The following SMOC2 variants were observed in gnomAD, a reference collection of about 807,000 sequenced individuals.
SMOC2 encodes SPARC related modular calcium binding 2.
SMOC2 carries 39 observed loss-of-function variants against 61.4 expected under a neutral mutation model. The observed-to-expected ratio is 0.64, with a 90% CI of 0.49 to 0.83. The LOEUF (loss-of-function observed/expected upper bound fraction) is 0.83, where lower values mean the gene tolerates loss of function less well. Ranked by LOEUF, SMOC2 falls within the 40% of genes least tolerant of loss-of-function variation. The probability of loss-of-function intolerance (pLI) is 0.00; values close to 1 mark genes in which losing one functional copy is unlikely to be tolerated. For missense variants in SMOC2, 556 were observed against 592.9 expected (o/e 0.94, Z 0.65); for synonymous variants, 247 against 239.9 (o/e 1.03, Z -0.27).
chr6:168,454,872 A>G (rs548529893), intron 1 of SMOC2, among the ~76,000 whole-genome samples: 13 of 152,300 alleles, frequency 8.5e-5, no homozygotes, highest in African/African-American at 3.1e-4. Context: ...CAGATGCTAC[A>G]GGTGCACATC....
At chr6:168,583,548 G>A (rs1047634851) in intron 7 of SMOC2, among the ~76,000 whole-genome samples, 18 of 151,854 alleles carry the variant, frequency 1.2e-4, no homozygotes, top group Admixed American at 1.1e-3. Flanking sequence ...CAGGGGTGTG[G>A]GTCTGACCCC....
intron 7 of SMOC2, among the ~76,000 whole-genome samples, chr6:168,591,093 G>A (rs568413823): frequency 3.3e-5 from 5 of 152,260 alleles, no homozygotes; most frequent in Admixed American, 1.3e-4. Context: ...GAAGTAAATT[G>A]GAATTGAAAT....
intron 8 of SMOC2, among the ~76,000 whole-genome samples, chr6:168,601,845 CG>C (rs149126955): frequency 0.015 from 2,291 of 152,276 alleles, 84 homozygotes; most frequent in Admixed American, 0.072. Context: ...TCCCGTCCAT[CG>C]ATGCTGGTTT....
Position 168,543,673 on chromosome 6 carries a change from G to T in SMOC2, c.511+1G>T. The stretch of plus-strand genomic sequence containing the variant: ...CAACGCGAAGGCACAGGAAAAACAG[G>T]TAACTATCTTAGAATAAATGTCTAT... On this transcript the variant is annotated splice_donor_variant, in intron 5 of 12. Coordinates refer to ENST00000356284, the MANE Select transcript of SMOC2 (RefSeq NM_001166412.2). LOFTEE classifies it high-confidence loss of function. 6.2e-7 allele frequency: 1 copy of T among 1,612,746 alleles called. No homozygotes were observed. The highest frequency in any genetic ancestry group is 8.5e-7 in the Non-Finnish European group (1 of 1,178,890).
intron 9 of SMOC2, among the ~76,000 whole-genome samples, chr6:168,631,087 C>T (rs1268205920): frequency 6.6e-6 from 1 of 152,218 alleles, no homozygotes; most frequent in Non-Finnish European, 1.5e-5. Context: ...CCTATTCGCA[C>T]ACTCCCTCCC....
At chr6:168,653,610 TG>T (rs1252811218) in intron 11 of SMOC2, among the ~76,000 whole-genome samples, 5 of 150,490 alleles carry the variant, frequency 3.3e-5, no homozygotes, top group African/African-American at 9.9e-5. Context: ...TCACCAACCC[TG>T]CTCCTGAGCT....
At chr6:168,479,227 A>G (rs776643035) in intron 1 of SMOC2, among the ~76,000 whole-genome samples, 44 of 152,236 alleles carry the variant, frequency 2.9e-4, no homozygotes, top group Non-Finnish European at 5.6e-4. Flanking sequence ...CCTGGGTTAC[A>G]GAGAATGATT....
chr6:168,469,764 G>T (rs978460176), intron 1 of SMOC2, among the ~76,000 whole-genome samples: 1 of 152,138 alleles, frequency 6.6e-6, no homozygotes, highest in African/African-American at 2.4e-5. Context: ...GAGGTCCCAC[G>T]TGCAGCCTCG....
At chr6:168,624,605 CAG>C (rs1307695366) in intron 9 of SMOC2, among the ~76,000 whole-genome samples, 2 of 111,260 alleles carry the variant, frequency 1.8e-5, no homozygotes, top group African/African-American at 6.9e-5. Flanking sequence ...CAGATGTGCA[CAG>C]ACACACAGAG....
chr6:168,446,729 C>A (rs1368811300), intron 1 of SMOC2, among the ~76,000 whole-genome samples: 1 of 151,936 alleles, frequency 6.6e-6, no homozygotes, highest in Admixed American at 6.6e-5. Flanking sequence ...CAGTTCCAGG[C>A]CAGACATCAA....
At chr6:168,441,528 G>GCCCCGCT in intron 1 of SMOC2, 74 bp downstream of exon 1, 5 of 1,415,382 alleles carry the variant, frequency 3.5e-6, no homozygotes, top group Non-Finnish European at 4.6e-6. Flanking sequence ...GGGTCCCCGC[G>GCCCCGCT]CCCCGCTCCA....
intron 7 of SMOC2, among the ~76,000 whole-genome samples, chr6:168,592,696 G>A (rs1785221761): frequency 1.1e-5 from 1 of 89,532 alleles, no homozygotes; most frequent in Non-Finnish European, 2.4e-5. Flanking sequence ...TCTTTCTAGA[G>A]GATGGCCGAG....
intron 9 of SMOC2, among the ~76,000 whole-genome samples, chr6:168,636,025 A>G (rs1786708093): frequency 6.6e-6 from 1 of 152,200 alleles, no homozygotes; most frequent in African/African-American, 2.4e-5. Flanking sequence ...AATTTTACAT[A>G]AAATTGAAAT....
At chr6:168,505,074 C>G (rs1292139140) in intron 1 of SMOC2, among the ~76,000 whole-genome samples, 1 of 151,208 alleles carries the variant, frequency 6.6e-6, no homozygotes, top group Non-Finnish European at 1.5e-5. Flanking sequence ...GTCCATCTCT[C>G]AGATGCCAGG....
intron 9 of SMOC2, among the ~76,000 whole-genome samples, chr6:168,649,466 C>T (rs545141600): frequency 1.3e-5 from 2 of 152,320 alleles, no homozygotes; most frequent in Admixed American, 1.3e-4. Flanking sequence ...AGTGGGGACG[C>T]TGTCCCTCCA....
chr6:168,517,939 G>C (rs556039337), intron 2 of SMOC2, among the ~76,000 whole-genome samples: 1 of 152,226 alleles, frequency 6.6e-6, no homozygotes, highest in African/African-American at 2.4e-5. Context: ...AGCCTGGGCC[G>C]GGGGGCTCTG....
chr6:168,555,742 G>C (rs1287004701), intron 7 of SMOC2, among the ~76,000 whole-genome samples: 1 of 152,214 alleles, frequency 6.6e-6, no homozygotes, highest in African/African-American at 2.4e-5. Flanking sequence ...CTGCAGCGGG[G>C]AGTGGCCGCC....
intron 11 of SMOC2, among the ~76,000 whole-genome samples, chr6:168,661,112 C>G: frequency 1.4e-5 from 1 of 73,356 alleles, no homozygotes; most frequent in Non-Finnish European, 3.4e-5. Flanking sequence ...ATTTTCCTTA[C>G]AGAATTTTTT....
At chr6:168,520,336 G>A (rs930581365) in intron 2 of SMOC2, among the ~76,000 whole-genome samples, 4 of 152,278 alleles carry the variant, frequency 2.6e-5, no homozygotes, top group African/African-American at 9.6e-5. Flanking sequence ...ATCAATAAAA[G>A]CCATGCCACT....
Sources: allele counts gnomAD v4.1 joint callset (sites outside exome capture counted in the v4.1 genomes callset), GRCh38; gene constraint gnomAD v4.1.1; transcripts MANE v1.5; gene names NCBI Gene and HGNC (gene_info 2026-07-23, HGNC 2026-07-21).